PTPRZ1: variants seen among roughly 807,000 people sequenced by gnomAD.
PTPRZ1 encodes receptor-type tyrosine-protein phosphatase zeta.
PTPRZ1 carries 82 observed loss-of-function variants against 214.1 expected under a neutral mutation model. The ratio of observed to expected loss-of-function variants is 0.38; its 90% CI spans 0.32 to 0.46. The LOEUF (loss-of-function observed/expected upper bound fraction) is 0.46. Among genes scored for constraint, PTPRZ1 ranks in the 20% least tolerant of loss-of-function variants. The pLI is 1.00. For synonymous variants in PTPRZ1, 945 were observed against 987.9 expected (o/e 0.96, Z 0.81); for missense variants, 2,603 against 2,748.7 (o/e 0.95, Z 1.19).
chr7:121,874,548 A>G (rs1475164732), intron 1 of PTPRZ1, among the ~76,000 whole-genome samples: 1 of 152,204 alleles, frequency 6.6e-6, no homozygotes, highest in African/African-American at 2.4e-5. Flanking sequence ...TTTCAATTTT[A>G]GATGGTTCAT....
chr7:122,034,357 C>T lies in PTPRZ1; in HGVS notation c.5263C>T (p.Arg1755Ter), dbSNP rs760666381. The T allele has an allele frequency of 1.2e-6, 2 of 1,613,048 alleles. No individual in the cohort carries two copies. The highest frequency in any genetic ancestry group is 1.7e-6 in the Non-Finnish European group (2 of 1,179,418). Residue 1755 changes from arginine (R) to a stop codon, truncating the protein, a stop_gained, in exon 17 of 30, where the codon CGA becomes TGA. Transcript: ENST00000393386. LOFTEE classifies it high-confidence loss of function. ...CCACCCAGACAACAAGCACAAGAATCGATACATAAATATCGTTGCCTGTAA... is the reference window on the plus strand; with the variant it reads ...CCACCCAGACAACAAGCACAAGAATTGATACATAAATATCGTTGCCTGTAA... ...SNHPDNKHKNRYINIVAYDHS... is the reference protein window; with the variant it reads ...SNHPDNKHKN
At position 122,055,017 on chromosome 7, in the gene PTPRZ1, C is replaced by G. The variant is rs537451340; in HGVS notation, c.6458C>G (p.Ala2153Gly). 1.9e-6 allele frequency: 3 copies of G among 1,604,696 alleles called. No individual in the cohort carries two copies. The highest frequency in any genetic ancestry group is 2.2e-5 in the East Asian group (1 of 44,586). Residue 2153 changes from alanine (A) to glycine (G), a missense_variant, in exon 27 of 30, where the codon GCT becomes GGT. By Grantham distance (60) the Ala-to-Gly change is moderately conservative (BLOSUM62 0). This residue lies in a region of PTPRZ1 where 134 missense variants were observed against 183.3 expected (regional missense o/e 0.73). Coordinates refer to ENST00000393386, the MANE Select transcript of PTPRZ1 (RefSeq NM_002851.3). Reference protein sequence around the residue: ...NCESFKVTLMAEEHKCLSNEE... With the variant: ...NCESFKVTLMGEEHKCLSNEE... ...GAGAGCTTTAAGGTCACTCTTATGG[C>G]TGAAGAACACAAATGTCTATCTAAT...
chr7:122,021,400 T>A (rs941633455), intron 13 of PTPRZ1, among the ~76,000 whole-genome samples: 2 of 152,178 alleles, frequency 1.3e-5, no homozygotes, highest in African/African-American at 4.8e-5. Context: ...AATAACACTT[T>A]AGGTACCTTG....
chr7:122,029,743 T>C (rs1799319975), intron 14 of PTPRZ1, among the ~76,000 whole-genome samples: 1 of 151,610 alleles, frequency 6.6e-6, no homozygotes, highest in Admixed American at 6.6e-5. Flanking sequence ...GTTTGTTATA[T>C]GTTTATGTCA....
intron 1 of PTPRZ1, among the ~76,000 whole-genome samples, chr7:121,874,061 C>CACACACACACACACACACACCT (rs1415912592): frequency 1.6e-4 from 24 of 151,880 alleles, no homozygotes; most frequent in African/African-American, 5.6e-4. Context: ...CACACACACA[C>CACACACACACACACACACACCT]ACACCTGAAA....
chr7:121,930,058 A>T (rs1471714604), intron 2 of PTPRZ1, among the ~76,000 whole-genome samples: 1 of 151,826 alleles, frequency 6.6e-6, no homozygotes. Context: ...CATGATTTTA[A>T]TTTTTTATTA....
At chr7:122,015,454 T>C (rs539331950) in intron 12 of PTPRZ1, among the ~76,000 whole-genome samples, 1 of 152,266 alleles carries the variant, frequency 6.6e-6, no homozygotes, top group South Asian at 2.1e-4. Context: ...TTCTGTATTC[T>C]GAATTGATAC....
intron 3 of PTPRZ1, among the ~76,000 whole-genome samples, chr7:121,972,333 A>C (rs1797276775): frequency 6.6e-6 from 1 of 152,122 alleles, no homozygotes; most frequent in Non-Finnish European, 1.5e-5. Context: ...ACTAGTCAAT[A>C]TCTTCAGCTT....
In PTPRZ1 at chr7:121,899,001, TTATTGCTGTAATTTAAAGTA is replaced by T. The variant is rs543540331; in HGVS notation, c.58+25452_58+25471del. ...ATTTATTCATATATAAAGCCTGATA[TTATTGCTGTAATTTAAAGTA>T]TATTGCTATAATTTAGATAAAATTT... On this transcript the variant is annotated intron_variant, in intron 1 of 29. Transcript: ENST00000393386. Among the ~76,000 whole-genome samples, 125 of 152,300 alleles carry T rather than the reference TTATTGCTGTAATTTAAAGTA, an allele frequency of 8.2e-4. 1 individual carries two copies. The highest frequency in any genetic ancestry group is 3.3e-3 in the Admixed American group (51 of 15,290).
At chr7:121,967,850 C>A in intron 2 of PTPRZ1, 101 bp from the exon 3 acceptor site, 1 of 786,552 alleles carries the variant, frequency 1.3e-6, no homozygotes. Flanking sequence ...CATTTTTCTA[C>A]TATTGCATCT....
intron 15 of PTPRZ1, among the ~76,000 whole-genome samples, chr7:122,033,208 T>C (rs941185375): frequency 6.6e-6 from 1 of 152,058 alleles, no homozygotes; most frequent in African/African-American, 2.4e-5. Flanking sequence ...ATTAGCTTAG[T>C]AACTAATAGC....
rs938332653 is a variant in PTPRZ1 at position 121,997,943 on chromosome 7, A to G, written c.1177A>G (p.Thr393Ala). Residue 393 changes from threonine (T) to alanine (A), a missense_variant, in exon 10 of 30, where the codon ACT becomes GCT. Thr to Ala is a moderately conservative substitution (Grantham distance 58). Transcript: ENST00000393386. ...TGTTCTTCAGATAGTAGCCATATGC[A>G]CTAATGGCTTATATGGAAAATACAG... ...SYVLQIVAIC[T>A]NGLYGKYSDQ... 19 of 1,609,976 alleles carry G rather than the reference A, an allele frequency of 1.2e-5. No individual in the cohort carries two copies. Among genetic ancestry groups the G allele is most frequent in the Non-Finnish European group, 1.6e-5 (19 of 1,176,492 alleles).
At chr7:122,006,698 CAGAGA>C (rs1798496315) in intron 11 of PTPRZ1, among the ~76,000 whole-genome samples, 1 of 151,424 alleles carries the variant, frequency 6.6e-6, no homozygotes. Flanking sequence ...TTGTTGTAGT[CAGAGA>C]AAAGTTCCTA....
chr7:122,019,731 A>T (rs1365931638), intron 13 of PTPRZ1, among the ~76,000 whole-genome samples: 1 of 152,218 alleles, frequency 6.6e-6, no homozygotes, highest in Non-Finnish European at 1.5e-5. Context: ...TCAAGCAATT[A>T]AACTATAAAT....
Position 122,011,597 on chromosome 7 carries a change from A to G in PTPRZ1, c.2551A>G (p.Ser851Gly). The change falls in exon 12 of 30, where the codon AGT becomes GGT. Residue 851 changes from serine (S) to glycine (G), a missense_variant. Coordinates refer to ENST00000393386, the MANE Select transcript of PTPRZ1 (RefSeq NM_002851.3). ...TCCACAAGTTACTTCAGCTACCGAG[A>G]GTGATAAGGTGCCCTTGCATGCTTC... Reference protein sequence around the residue: ...ILPQVTSATESDKVPLHASLP... With the variant: ...ILPQVTSATEGDKVPLHASLP... The G allele has an allele frequency of 1.2e-6, 2 of 1,613,772 alleles. No homozygotes were observed. Among genetic ancestry groups the G allele is most frequent in the South Asian group, 2.2e-5 (2 of 91,034 alleles).
At chr7:121,991,924 TG>T (rs1184020063) in intron 8 of PTPRZ1, among the ~76,000 whole-genome samples, 1 of 152,232 alleles carries the variant, frequency 6.6e-6, no homozygotes, top group Non-Finnish European at 1.5e-5. Context: ...CTTCTGGGTC[TG>T]TAAGTCATTC....
At chr7:121,931,593 A>G (rs1028946751) in intron 2 of PTPRZ1, among the ~76,000 whole-genome samples, 7 of 152,222 alleles carry the variant, frequency 4.6e-5, no homozygotes, top group Middle Eastern at 3.4e-3. Flanking sequence ...CAGGGACCCT[A>G]TGCATCTTGG....
chr7:121,876,367 T>C (rs147258255), intron 1 of PTPRZ1, among the ~76,000 whole-genome samples: 72 of 152,322 alleles, frequency 4.7e-4, no homozygotes, highest in South Asian at 1.0e-3. Context: ...GATCTTTGAA[T>C]TAAGTGAATT....
At chr7:122,034,192 A>G in intron 16 of PTPRZ1, 77 bp downstream of exon 16, 2 of 1,562,992 alleles carry the variant, frequency 1.3e-6, no homozygotes, top group Non-Finnish European at 1.8e-6. Flanking sequence ...TTGATAGATT[A>G]TTTTGTTTGT....
Sources: allele counts gnomAD v4.1 joint callset (sites outside exome capture counted in the v4.1 genomes callset), GRCh38; gene constraint gnomAD v4.1.1; regional missense constraint gnomAD v4.1.1; transcripts MANE v1.5; gene names NCBI Gene and HGNC (gene_info 2026-07-23, HGNC 2026-07-21).